Variants in TAFA4 observed in about 807,000 individuals in gnomAD.
TAFA4 encodes the protein chemokine-like protein TAFA-4.
TAFA4 carries 20 observed loss-of-function variants against 21.1 expected under a neutral mutation model. The observed-to-expected ratio is 0.95, with a 90% CI of 0.67 to 1.38. The LOEUF (loss-of-function observed/expected upper bound fraction) is 1.38. Among genes scored for constraint, TAFA4 ranks in the 40% most tolerant of loss-of-function variants. The pLI, the probability that TAFA4 is intolerant of heterozygous loss-of-function variation, is 0.00. For missense variants in TAFA4, 211 were observed against 180.9 expected, an observed-to-expected ratio of 1.17 and a Z score of -0.95; for synonymous variants, 71 against 67.4, an observed-to-expected ratio of 1.05 and a Z score of -0.26.
chr3:68,783,713 A>AAGAAAGAAAGAAAG (rs1553641277), intron 3 of TAFA4, among the ~76,000 whole-genome samples: 83 of 80,782 alleles, frequency 1.0e-3, no homozygotes, highest in East Asian at 0.01. Context: ...GAGAGAAAGA[A>AAGAAAGAAAGAAAG]AAAGAAAGAA....
At chr3:68,929,136 A>C (rs1323676561) in intron 1 of TAFA4, among the ~76,000 whole-genome samples, 1 of 152,182 alleles carries the variant, frequency 6.6e-6, no homozygotes, top group Non-Finnish European at 1.5e-5. Flanking sequence ...GGGTTACAGG[A>C]GATCACAAAT....
At chr3:68,755,154 C>A (rs564789146) in intron 3 of TAFA4, among the ~76,000 whole-genome samples, 51 of 152,304 alleles carry the variant, frequency 3.3e-4, no homozygotes, top group Non-Finnish European at 6.2e-4. Context: ...ACTCTCCCAA[C>A]AACTCTCTAT....
intron 3 of TAFA4, among the ~76,000 whole-genome samples, chr3:68,788,973 C>T (rs1703313419): frequency 6.6e-6 from 1 of 152,144 alleles, no homozygotes; most frequent in East Asian, 1.9e-4. Flanking sequence ...GTGGCTCACG[C>T]CTGTAATCCC....
chr3:68,880,873 T>G, intron 2 of TAFA4, 28 bp from the exon 3 acceptor site: 4 of 1,590,040 alleles, frequency 2.5e-6, no homozygotes, highest in Non-Finnish European at 3.4e-6. Flanking sequence ...CTGGAGTCAG[T>G]GAGGGCTGAG....
At chr3:68,915,646 T>C (rs961428571) in intron 1 of TAFA4, among the ~76,000 whole-genome samples, 1 of 152,304 alleles carries the variant, frequency 6.6e-6, no homozygotes, top group South Asian at 2.1e-4. Flanking sequence ...TCATGGTGGG[T>C]ATTTGACAAT....
At chr3:68,830,760 G>T (rs143031123) in intron 3 of TAFA4, among the ~76,000 whole-genome samples, 49 of 152,092 alleles carry the variant, frequency 3.2e-4, no homozygotes, top group Non-Finnish European at 4.6e-4. Flanking sequence ...TTTCTGTCTC[G>T]TTGATCTGTC....
chr3:68,805,031 A>G (rs1224729555), intron 3 of TAFA4, among the ~76,000 whole-genome samples: 1 of 152,226 alleles, frequency 6.6e-6, no homozygotes, highest in Non-Finnish European at 1.5e-5. Context: ...ACAAAATGGG[A>G]GAAAATTTTC....
intron 3 of TAFA4, among the ~76,000 whole-genome samples, chr3:68,785,487 G>A (rs149415005): frequency 0.017 from 2,610 of 152,344 alleles, 76 homozygotes; most frequent in African/African-American, 0.06. Flanking sequence ...AAGGCCCGGC[G>A]AGAAATGGAG....
At chr3:68,823,846 C>T (rs1704167372) in intron 3 of TAFA4, among the ~76,000 whole-genome samples, 1 of 152,206 alleles carries the variant, frequency 6.6e-6, no homozygotes, top group South Asian at 2.1e-4. Flanking sequence ...AAATGTGGTA[C>T]ATATACAAGA....
chr3:68,898,811 C>T (rs1397273714), intron 1 of TAFA4, among the ~76,000 whole-genome samples: 1 of 151,918 alleles, frequency 6.6e-6, no homozygotes, highest in Non-Finnish European at 1.5e-5. Context: ...TAAGTAAACC[C>T]GTTTACTTAC....
intron 3 of TAFA4, among the ~76,000 whole-genome samples, chr3:68,764,469 A>ATAAC (rs1199084318): frequency 2.6e-5 from 4 of 152,344 alleles, no homozygotes; most frequent in Non-Finnish European, 5.9e-5. Flanking sequence ...CTTAGTAATT[A>ATAAC]TAACTTCATA....
At position 68,845,478 on chromosome 3, in the gene TAFA4, C is replaced by T. The variant is rs1040178148; in HGVS notation, c.130+35252G>A. Among the ~76,000 whole-genome samples the T allele has an allele frequency of 3.3e-5, 5 of 152,106 alleles. No individual in the cohort carries two copies. The South Asian group carries it at 1.0e-3, about 32-fold the overall frequency. On this transcript the variant is annotated intron_variant, in intron 3 of 5. Transcript: ENST00000295569. Reference sequence around the variant, plus strand: ...GGGTCTTGACTCTTTATCCAATTTGCCAGTCTTTGTCTTTTAATTGGGGCC... The same window carrying T: ...GGGTCTTGACTCTTTATCCAATTTGTCAGTCTTTGTCTTTTAATTGGGGCC...
chr3:68,879,222 C>T (rs2089588315), intron 3 of TAFA4, among the ~76,000 whole-genome samples: 1 of 152,110 alleles, frequency 6.6e-6, no homozygotes, highest in South Asian at 2.1e-4. Flanking sequence ...CGCTGTCAGA[C>T]TTCCTATAAT....
rs116050916 is a variant in TAFA4, at chr3:68,839,655, C to T, written c.130+41075G>A. On this transcript the variant is annotated intron_variant, in intron 3 of 5. Coordinates refer to ENST00000295569, the MANE Select transcript of TAFA4 (RefSeq NM_182522.5). ...AAAATCATTCAAATTCCTCTTTTCC[C>T]TGACATATGGCCTGGAGCTCTGCTT... 4.9e-3 allele frequency among the ~76,000 whole-genome samples: 751 copies of T among 152,284 alleles called. 6 individuals carry two copies. The highest frequency in any genetic ancestry group is 0.017 in the African/African-American group (692 of 41,572).
At chr3:68,841,705 C>T (rs929446021) in intron 3 of TAFA4, among the ~76,000 whole-genome samples, 1 of 151,754 alleles carries the variant, frequency 6.6e-6, no homozygotes. Context: ...TACCCCCCAA[C>T]CCCCTGACAG....
At chr3:68,861,778 G>A (rs1164866020) in intron 3 of TAFA4, among the ~76,000 whole-genome samples, 2 of 152,016 alleles carry the variant, frequency 1.3e-5, no homozygotes, top group Non-Finnish European at 2.9e-5. Context: ...GGAAGTAGAA[G>A]GCAGTGGAAA....
chr3:68,850,647 T>C (rs1179714792), intron 3 of TAFA4, among the ~76,000 whole-genome samples: 1 of 152,228 alleles, frequency 6.6e-6, no homozygotes, highest in Non-Finnish European at 1.5e-5. Context: ...TGATCAGTGA[T>C]GTCAAGCTTT....
chr3:68,826,127 A>G (rs1704222877), intron 3 of TAFA4, among the ~76,000 whole-genome samples: 2 of 152,218 alleles, frequency 1.3e-5, no homozygotes, highest in Admixed American at 1.3e-4. Context: ...AGGGCAGGAA[A>G]GTTTTATTTG....
chr3:68,857,748 G>A (rs1469248554), intron 3 of TAFA4, among the ~76,000 whole-genome samples: 1 of 151,306 alleles, frequency 6.6e-6, no homozygotes, highest in African/African-American at 2.4e-5. Flanking sequence ...ACCAATGAAT[G>A]TAAGATTTCA....
Sources: allele counts gnomAD v4.1 joint callset (sites outside exome capture counted in the v4.1 genomes callset), GRCh38; gene constraint gnomAD v4.1.1; transcripts MANE v1.5; gene names NCBI Gene and HGNC (gene_info 2026-07-23, HGNC 2026-07-21).